GALNT10: variants seen among roughly 807,000 people sequenced by gnomAD.
The protein encoded by GALNT10 is GalNAc transferase 10.
GALNT10 carries 41 observed loss-of-function variants against 75.0 expected under a neutral mutation model. That is an observed-to-expected ratio of 0.55 (90% CI 0.43 to 0.71). GALNT10 has a LOEUF of 0.71. Among genes scored for constraint, GALNT10 ranks in the 30% least tolerant of loss-of-function variants. GALNT10 has a pLI of 0.00. For synonymous variants in GALNT10, 302 were observed against 313.0 expected (o/e 0.96, Z 0.37); for missense variants, 727 against 818.5 (o/e 0.89, Z 1.36).
In GALNT10 at chr5:154,417,281, T is replaced by C; in HGVS notation, c.*309T>C. ...TGTCACTATGTCCCCTTGAACATTATGTGGGAGAACACCAAGGTAGCCTAG... is the reference window on the plus strand; with the variant it reads ...TGTCACTATGTCCCCTTGAACATTACGTGGGAGAACACCAAGGTAGCCTAG... On this transcript the variant is annotated 3_prime_UTR_variant, in exon 12 of 12. Coordinates refer to ENST00000297107, the MANE Select transcript of GALNT10 (RefSeq NM_198321.4). The C allele has an allele frequency of 3.6e-6, 1 of 274,962 alleles. No individual in the cohort carries two copies. The highest frequency in any genetic ancestry group is 6.9e-6 in the Non-Finnish European group (1 of 144,496). 17.0% of individuals were successfully genotyped at this position (274,962 alleles called of 1,614,324 possible).
intron 1 of GALNT10, among the ~76,000 whole-genome samples, chr5:154,239,128 A>C (rs1177494415): frequency 6.6e-6 from 1 of 152,092 alleles, no homozygotes; most frequent in Admixed American, 6.5e-5. Context: ...GTATCTTCAC[A>C]TCTTCCTTCC....
chr5:154,313,037 G>A (rs542298280), intron 3 of GALNT10, among the ~76,000 whole-genome samples: 39 of 152,282 alleles, frequency 2.6e-4, no homozygotes, highest in African/African-American at 7.2e-4. Context: ...GGCTGGGTGC[G>A]GTGGCTCATG....
At chr5:154,207,195 A>G (rs1354983926) in intron 1 of GALNT10, among the ~76,000 whole-genome samples, 2 of 152,218 alleles carry the variant, frequency 1.3e-5, no homozygotes, top group African/African-American at 2.4e-5. Context: ...CATGCGCAAT[A>G]TGCGTTCAAA....
At chr5:154,237,617 G>C (rs1753266584) in intron 1 of GALNT10, among the ~76,000 whole-genome samples, 1 of 152,184 alleles carries the variant, frequency 6.6e-6, no homozygotes, top group African/African-American at 2.4e-5. Context: ...ACATTAGGTT[G>C]CTATGTCTTC....
At chr5:154,209,284 C>T (rs1376767192) in intron 1 of GALNT10, among the ~76,000 whole-genome samples, 1 of 152,232 alleles carries the variant, frequency 6.6e-6, no homozygotes, top group East Asian at 1.9e-4. Context: ...GCCTTTCCTT[C>T]TGCAGTGTCT....
chr5:154,274,563 A>G (rs10064299), intron 1 of GALNT10, among the ~76,000 whole-genome samples: 2,533 of 152,212 alleles, frequency 0.017, 57 homozygotes, highest in African/African-American at 0.059. Flanking sequence ...CATCGTCACC[A>G]AATTCCTGGA....
In GALNT10 at chr5:154,409,420, G is replaced by A. The variant is rs1300225579; in HGVS notation, c.1165-121G>A. ...AGGCCTAAACTCACGGTGGGGCTGG[G>A]ATTTTTGATGGAACATAAAATAAGA... On this transcript the variant is annotated intron_variant, in intron 8 of 11. Transcript: ENST00000297107. The surrounding 1 kb of genome is among the most constrained non-coding windows in gnomAD (Gnocchi z 4.5). The A allele has an allele frequency of 5.2e-6, 4 of 772,700 alleles. No individual in the cohort carries two copies. The highest frequency in any genetic ancestry group is 9.5e-6 in the Non-Finnish European group (4 of 420,618). The allele number at this position is 772,700 out of a possible 1,614,324, so 47.9% of individuals were successfully genotyped here.
intron 7 of GALNT10, among the ~76,000 whole-genome samples, chr5:154,393,900 C>T (rs1392141302): frequency 6.6e-6 from 1 of 152,160 alleles, no homozygotes; most frequent in Non-Finnish European, 1.5e-5. Context: ...CAGCCCACCC[C>T]CATCCATATA....
intron 4 of GALNT10, among the ~76,000 whole-genome samples, chr5:154,356,712 G>A (rs1755303106): frequency 6.6e-6 from 1 of 152,206 alleles, no homozygotes; most frequent in Non-Finnish European, 1.5e-5. Flanking sequence ...GCTCCAGGGT[G>A]TACAGGGTGC....
At chr5:154,341,620 C>G (rs1755033791) in intron 4 of GALNT10, among the ~76,000 whole-genome samples, 1 of 152,176 alleles carries the variant, frequency 6.6e-6, no homozygotes, top group Non-Finnish European at 1.5e-5. Context: ...CTTCCCAGAG[C>G]CTCCACACCA....
At chr5:154,392,364 TA>T (rs940128028) in intron 7 of GALNT10, 13 of 152,214 alleles carry the variant, frequency 8.5e-5, no homozygotes, top group African/African-American at 2.9e-4. Flanking sequence ...CAGTAAGTGT[TA>T]GTGTGTTAGT....
chr5:154,405,237 C>T (rs2113213758), intron 8 of GALNT10, among the ~76,000 whole-genome samples: 1 of 152,316 alleles, frequency 6.6e-6, no homozygotes, highest in East Asian at 1.9e-4. Flanking sequence ...GCCCCCGGGA[C>T]CTAGAAGAGC....
intron 3 of GALNT10, among the ~76,000 whole-genome samples, chr5:154,301,135 A>G (rs113272395): frequency 1.1e-3 from 170 of 152,330 alleles, no homozygotes; most frequent in East Asian, 3.5e-3. Flanking sequence ...GTGTCCCTCA[A>G]TAGAATTCAG....
chr5:154,334,869 C>T (rs1414601982), intron 4 of GALNT10, among the ~76,000 whole-genome samples: 1 of 152,194 alleles, frequency 6.6e-6, no homozygotes, highest in Non-Finnish European at 1.5e-5. Context: ...GCTCACCTCA[C>T]CCATGAGGCC....
At chr5:154,250,805 T>G (rs1561641036) in intron 1 of GALNT10, among the ~76,000 whole-genome samples, 1 of 152,200 alleles carries the variant, frequency 6.6e-6, no homozygotes, top group African/African-American at 2.4e-5. Flanking sequence ...CCTGACTTCT[T>G]AGTTTTTATT....
At chr5:154,267,474 A>T (rs1374546823) in intron 1 of GALNT10, among the ~76,000 whole-genome samples, 1 of 152,228 alleles carries the variant, frequency 6.6e-6, no homozygotes, top group Non-Finnish European at 1.5e-5. Flanking sequence ...TCACTGGAGA[A>T]GAGGATGATT....
At chr5:154,222,986 A>T (rs145672174) in intron 1 of GALNT10, among the ~76,000 whole-genome samples, 1 of 152,222 alleles carries the variant, frequency 6.6e-6, no homozygotes, top group African/African-American at 2.4e-5. Flanking sequence ...GAAATTTAAC[A>T]AATGTAGTAA....
chr5:154,301,902 C>T (rs1754368302), intron 3 of GALNT10, among the ~76,000 whole-genome samples: 1 of 151,842 alleles, frequency 6.6e-6, no homozygotes, highest in African/African-American at 2.4e-5. Context: ...TGTCACCAGC[C>T]CACCCACCCA....
intron 3 of GALNT10, among the ~76,000 whole-genome samples, chr5:154,322,628 C>G (rs568740210): frequency 1.3e-5 from 2 of 152,170 alleles, no homozygotes; most frequent in Non-Finnish European, 2.9e-5. Context: ...GCTGGAGACA[C>G]AGGTGGGCAG....
Sources: gnomAD v4.1 joint callset for allele counts (sites outside exome capture counted in the v4.1 genomes callset) on GRCh38, gnomAD v4.1.1 for gene constraint, Gnocchi (gnomAD v3.1) non-coding constraint, MANE v1.5 for transcripts, NCBI Gene and HGNC (gene_info 2026-07-23, HGNC 2026-07-21) for gene names.